CDH13: variants seen among roughly 807,000 people sequenced by gnomAD.
The protein encoded by CDH13 is cadherin 13.
A neutral mutation model predicts 63.8 loss-of-function variants in CDH13; 24 were observed. The ratio of observed to expected loss-of-function variants is 0.38; its 90% CI spans 0.27 to 0.53. The LOEUF (loss-of-function observed/expected upper bound fraction) is 0.53, where lower values mean the gene tolerates loss of function less well. Ranked by LOEUF, CDH13 falls within the 20% of genes least tolerant of loss-of-function variation. The pLI is 0.85. For synonymous variants in CDH13, 503 were observed against 355.3 expected (o/e 1.42, Z -4.67); for missense variants, 1,049 against 903.1 (o/e 1.16, Z -2.07).
intron 5 of CDH13, among the ~76,000 whole-genome samples, chr16:83,303,219 C>T (rs1238791575): frequency 1.3e-5 from 2 of 152,114 alleles, no homozygotes; most frequent in East Asian, 1.9e-4. Flanking sequence ...CACCTTCTGC[C>T]CTCTGAAAAA....
At chr16:83,379,938 T>TAG (rs71148831) in intron 6 of CDH13, among the ~76,000 whole-genome samples, 1,839 of 123,436 alleles carry the variant, frequency 0.015, 29 homozygotes, top group African/African-American at 0.046. Context: ...TATATATATA[T>TAG]AGAGAGAGAG....
chr16:83,174,483 C>A (rs778079073), intron 4 of CDH13, among the ~76,000 whole-genome samples: 8 of 151,990 alleles, frequency 5.3e-5, no homozygotes, highest in African/African-American at 1.9e-4. Context: ...CAGAATATTT[C>A]TGAGCCAGAA....
At chr16:82,634,440 G>T (rs1202868800) in intron 1 of CDH13, among the ~76,000 whole-genome samples, 1 of 152,206 alleles carries the variant, frequency 6.6e-6, no homozygotes, top group Non-Finnish European at 1.5e-5. Flanking sequence ...CGGAACCGAG[G>T]CTGACTCAGA....
intron 1 of CDH13, among the ~76,000 whole-genome samples, chr16:82,750,216 A>T (rs1597470060): frequency 6.6e-6 from 1 of 152,310 alleles, no homozygotes; most frequent in South Asian, 2.1e-4. Flanking sequence ...TGGTGGGGGT[A>T]TCTGTGGCCA....
chr16:83,091,213 C>T (rs910668423), intron 3 of CDH13, among the ~76,000 whole-genome samples: 1 of 151,744 alleles, frequency 6.6e-6, no homozygotes, highest in African/African-American at 2.4e-5. Flanking sequence ...TTTCTTTTCT[C>T]CTTCTCCTCC....
At chr16:83,108,079 C>T (rs1364967529) in intron 3 of CDH13, among the ~76,000 whole-genome samples, 1 of 152,168 alleles carries the variant, frequency 6.6e-6, no homozygotes, top group Non-Finnish European at 1.5e-5. Context: ...CCTTGGCCTC[C>T]CAAAGTGCTG....
chr16:83,070,239 T>A (rs2032331364), intron 3 of CDH13, among the ~76,000 whole-genome samples: 1 of 152,124 alleles, frequency 6.6e-6, no homozygotes, highest in Non-Finnish European at 1.5e-5. Flanking sequence ...ATACATGTGG[T>A]CTCTTTCCCT....
rs551514248 is a variant in CDH13 at position 83,645,126 on chromosome 16, G to A, written c.1102-25664G>A. Among the ~76,000 whole-genome samples, 151 of 152,296 alleles carry A rather than the reference G, an allele frequency of 9.9e-4. 1 individual carries two copies. The highest frequency in any genetic ancestry group is 3.2e-3 in the African/African-American group (132 of 41,562). ...GTTCACCACAGCACTATTCACAATA[G>A]CAAGGTCATGGAACCAACCTAAGTG... On this transcript the variant is annotated intron_variant, in intron 8 of 13. Transcript: ENST00000567109.
At chr16:82,945,104 G>A (rs1904555955) in intron 2 of CDH13, among the ~76,000 whole-genome samples, 2 of 152,174 alleles carry the variant, frequency 1.3e-5, no homozygotes, top group Non-Finnish European at 1.5e-5. Flanking sequence ...AGAAAACAGT[G>A]TAGAGAAAGC....
intron 8 of CDH13, among the ~76,000 whole-genome samples, chr16:83,659,489 G>A (rs978369038): frequency 6.6e-6 from 1 of 152,246 alleles, no homozygotes; most frequent in Non-Finnish European, 1.5e-5. Flanking sequence ...GAACTAAAAG[G>A]GACCTCAGTG....
chr16:83,645,951 C>G (rs1911750032), intron 8 of CDH13, among the ~76,000 whole-genome samples: 1 of 152,136 alleles, frequency 6.6e-6, no homozygotes, highest in South Asian at 2.1e-4. Context: ...GAATCCTTTC[C>G]TGGTTTTAAA....
intron 1 of CDH13, among the ~76,000 whole-genome samples, chr16:82,674,433 T>A (rs1913658174): frequency 6.6e-6 from 1 of 152,236 alleles, no homozygotes; most frequent in Non-Finnish European, 1.5e-5. Flanking sequence ...TGAGAAGTGT[T>A]AGCAATCCTC....
chr16:83,397,022 G>A (rs1042096666), intron 6 of CDH13, among the ~76,000 whole-genome samples: 4 of 152,088 alleles, frequency 2.6e-5, no homozygotes, highest in Admixed American at 6.6e-5. Flanking sequence ...AAGCAGCCTT[G>A]GCTAAAAAGC....
intron 4 of CDH13, among the ~76,000 whole-genome samples, chr16:83,147,833 T>C (rs2036815571): frequency 6.6e-6 from 1 of 152,162 alleles, no homozygotes. Flanking sequence ...GGTCTCTGGC[T>C]CTGAGCACAG....
chr16:82,789,215 G>T (rs1034833722), intron 1 of CDH13, among the ~76,000 whole-genome samples: 5 of 152,170 alleles, frequency 3.3e-5, no homozygotes, highest in Non-Finnish European at 7.3e-5. Flanking sequence ...GTGTGGTTGG[G>T]TTGATCACAG....
In CDH13 at chr16:82,699,057, AC is replaced by A. The variant is rs572834739; in HGVS notation, c.45+71921del. Among the ~76,000 whole-genome samples the A allele has an allele frequency of 1.0e-3, 159 of 152,308 alleles. 1 individual carries two copies. The highest frequency in any genetic ancestry group is 3.6e-3 in the Admixed American group (55 of 15,300). On this transcript the variant is annotated intron_variant, in intron 1 of 13. Coordinates refer to ENST00000567109, the MANE Select transcript of CDH13 (RefSeq NM_001257.5). ...TTCATCCCTAGTTTAAGAAGAAAAA[AC>A]ATCTTCATACTAATAATAATATACA...
At chr16:83,754,183 A>G (rs143702152) in intron 11 of CDH13, among the ~76,000 whole-genome samples, 1 of 152,294 alleles carries the variant, frequency 6.6e-6, no homozygotes, top group African/African-American at 2.4e-5. Flanking sequence ...AAAGGAAGCA[A>G]GCTCTCCTCA....
chr16:83,627,900 C>G (rs537481758), intron 8 of CDH13, among the ~76,000 whole-genome samples: 88 of 152,294 alleles, frequency 5.8e-4, no homozygotes, highest in Non-Finnish European at 9.8e-4. Context: ...AAACAAGGAG[C>G]AGATTATTCA....
chr16:83,111,237 G>T (rs2035043014), intron 3 of CDH13, among the ~76,000 whole-genome samples: 1 of 151,780 alleles, frequency 6.6e-6, no homozygotes, highest in African/African-American at 2.4e-5. Context: ...TTATGGTCTT[G>T]GGAGGAGTAG....
Sources: allele counts gnomAD v4.1 joint callset (sites outside exome capture counted in the v4.1 genomes callset), GRCh38; gene constraint gnomAD v4.1.1; transcripts MANE v1.5; gene names NCBI Gene and HGNC (gene_info 2026-07-23, HGNC 2026-07-21).